TBC1D8: variants seen among roughly 807,000 people sequenced by gnomAD.
The protein encoded by TBC1D8 is BUB2-like protein 1.
In TBC1D8, 65 loss-of-function variants were observed where a neutral mutation model predicts 118.8. The observed-to-expected ratio is 0.55, with a 90% CI of 0.45 to 0.67. TBC1D8 has a LOEUF of 0.67. TBC1D8 is among the 30% of genes least tolerant of loss of function. The pLI is 0.00. For synonymous variants in TBC1D8, 566 were observed against 595.8 expected, an observed-to-expected ratio of 0.95 and a Z score of 0.73; for missense variants, 1,376 against 1,471.2, an observed-to-expected ratio of 0.94 and a Z score of 1.06.
chr2:101,054,672 C>CTTTTTTTTTTTTTTTTT lies in TBC1D8; in HGVS notation c.403-353_403-337dup, dbSNP rs34465252. The stretch of plus-strand genomic sequence containing the variant: ...ACAAACAATCATTTTCTTTTCTTTT[C>CTTTTTTTTTTTTTTTTT]TTTTTTTTTTTTTTTTTTTTTTTTT... On this transcript the variant is annotated intron_variant, in intron 3 of 19. Transcript: ENST00000409318. Among the ~76,000 whole-genome samples, 39 of 25,418 alleles carry CTTTTTTTTTTTTTTTTT rather than the reference C, an allele frequency of 1.5e-3. 1 individual carries two copies. Among genetic ancestry groups the CTTTTTTTTTTTTTTTTT allele is most frequent in the East Asian group, 7.7e-3 (5 of 648 alleles). 16.7% of individuals were successfully genotyped at this position (25,418 alleles called of 152,430 possible).
chr2:101,128,931 T>A (rs1182205681), intron 1 of TBC1D8, among the ~76,000 whole-genome samples: 1 of 151,016 alleles, frequency 6.6e-6, no homozygotes, highest in East Asian at 1.9e-4. Flanking sequence ...GAGGGAGCAG[T>A]GGTTACCATA....
At chr2:101,069,267 TA>T (rs1219236364) in intron 2 of TBC1D8, among the ~76,000 whole-genome samples, 1 of 147,832 alleles carries the variant, frequency 6.8e-6, no homozygotes, top group Non-Finnish European at 1.5e-5. Context: ...CACTCCAGCC[TA>T]GGCAACAGAG....
chr2:101,118,272 C>A (rs187663472), intron 1 of TBC1D8, among the ~76,000 whole-genome samples: 2 of 152,058 alleles, frequency 1.3e-5, no homozygotes, highest in Admixed American at 1.3e-4. Flanking sequence ...TGCAATTGTA[C>A]GTAGTGCTGG....
At chr2:101,053,969 G>T in intron 4 of TBC1D8, 139 bp downstream of exon 4, 1 of 738,964 alleles carries the variant, frequency 1.4e-6, no homozygotes, top group Non-Finnish European at 2.2e-6. Context: ...GCATATATAA[G>T]TAATCAAGTG....
At chr2:101,142,924 T>A (rs1315307818) in intron 1 of TBC1D8, among the ~76,000 whole-genome samples, 1 of 152,144 alleles carries the variant, frequency 6.6e-6, no homozygotes, top group Non-Finnish European at 1.5e-5. Flanking sequence ...TTTGCTCCAT[T>A]ACCTACAACT....
intron 1 of TBC1D8, among the ~76,000 whole-genome samples, chr2:101,096,419 CAAAAAAAAAA>C (rs55824667): frequency 0.021 from 929 of 43,808 alleles, 22 homozygotes; most frequent in African/African-American, 0.066. Flanking sequence ...TGGCTTTTGA[CAAAAAAAAAA>C]AAAAAAAAAA....
chr2:101,052,978 G>T (rs1339326985), intron 4 of TBC1D8, among the ~76,000 whole-genome samples: 1 of 152,196 alleles, frequency 6.6e-6, no homozygotes, highest in African/African-American at 2.4e-5. Context: ...CATTCATTAA[G>T]TATCTCCTTT....
At chr2:101,070,263 C>T (rs1433472692) in intron 2 of TBC1D8, among the ~76,000 whole-genome samples, 2 of 151,874 alleles carry the variant, frequency 1.3e-5, no homozygotes, top group East Asian at 1.9e-4. Context: ...TCCAATCTTA[C>T]ATAAAGTTCA....
chr2:101,129,798 A>G (rs747917079), intron 1 of TBC1D8, among the ~76,000 whole-genome samples: 2 of 151,824 alleles, frequency 1.3e-5, no homozygotes, highest in African/African-American at 4.8e-5. Context: ...CCAGCTACTC[A>G]GGAGACTGAG....
chr2:101,080,618 G>A (rs1047156011), intron 2 of TBC1D8, among the ~76,000 whole-genome samples: 4 of 152,296 alleles, frequency 2.6e-5, no homozygotes, highest in East Asian at 1.9e-4. Flanking sequence ...CAGTGTTACC[G>A]ATGCCTGAAG....
chr2:101,102,911 C>T (rs182794807), intron 1 of TBC1D8, among the ~76,000 whole-genome samples: 57 of 152,008 alleles, frequency 3.7e-4, no homozygotes, highest in Middle Eastern at 3.4e-3. Context: ...ATACTTTCAC[C>T]GGTGAATACT....
chr2:101,115,743 C>T (rs984721865), intron 1 of TBC1D8, among the ~76,000 whole-genome samples: 20 of 151,794 alleles, frequency 1.3e-4, no homozygotes, highest in South Asian at 1.0e-3. Context: ...AAAGCAAGAC[C>T]TTGTTTCAAA....
intron 2 of TBC1D8, among the ~76,000 whole-genome samples, chr2:101,064,397 G>A (rs1011251616): frequency 2.1e-4 from 32 of 152,140 alleles, no homozygotes; most frequent in Non-Finnish European, 4.1e-4. Flanking sequence ...ATCAATGCTT[G>A]TTATTTAAGC....
At chr2:101,010,610 C>T (rs1335177913) in intron 19 of TBC1D8, among the ~76,000 whole-genome samples, 2 of 151,112 alleles carry the variant, frequency 1.3e-5, no homozygotes, top group Admixed American at 6.6e-5. Flanking sequence ...CTCGGTCGGG[C>T]GCGGTGGCTC....
rs375242129 is a variant in TBC1D8 at position 101,072,829 on chromosome 2, G to A, written c.284-13290C>T. Among the ~76,000 whole-genome samples, 155 of 152,220 alleles carry A rather than the reference G, an allele frequency of 1.0e-3. No homozygotes were observed. The South Asian group carries it at 0.016, about 15-fold the overall frequency. ...CCAAATTGGTACTAATCTGTGGCCC[G>A]TGGGTTGGGGACCTATGCACTCAGC... On this transcript the variant is annotated intron_variant, in intron 2 of 19. Transcript: ENST00000409318.
rs112604431 is a variant in TBC1D8, at chr2:101,098,939, C to G, written c.128-8575G>C. On this transcript the variant is annotated intron_variant, in intron 1 of 19. Coordinates refer to ENST00000409318, the MANE Select transcript of TBC1D8 (RefSeq NM_001330348.2). ...AGATCTCAAATCAATACCCTAACAT[C>G]ACAATTAAAAGAGCTAGAGAAGCAA... Among the ~76,000 whole-genome samples, 1,438 of 151,650 alleles carry G rather than the reference C, an allele frequency of 9.5e-3. 26 individuals carry two copies. The highest frequency in any genetic ancestry group is 0.033 in the African/African-American group (1,359 of 41,302).
intron 1 of TBC1D8, among the ~76,000 whole-genome samples, chr2:101,113,216 T>C (rs1423124383): frequency 6.6e-6 from 1 of 152,168 alleles, no homozygotes; most frequent in African/African-American, 2.4e-5. Context: ...ATTAATCCAT[T>C]TTTGTTATAG....
At chr2:101,134,254 C>A (rs1678742973) in intron 1 of TBC1D8, among the ~76,000 whole-genome samples, 1 of 149,868 alleles carries the variant, frequency 6.7e-6, no homozygotes, top group African/African-American at 2.5e-5. Context: ...AATGATCTTT[C>A]TGGTATAAAT....
intron 5 of TBC1D8, among the ~76,000 whole-genome samples, chr2:101,041,999 TG>T (rs1230031143): frequency 6.6e-6 from 1 of 151,716 alleles, no homozygotes. Context: ...CACTCTAGCC[TG>T]GGCGACACAG....
Sources: gnomAD v4.1 joint callset for allele counts (sites outside exome capture counted in the v4.1 genomes callset) on GRCh38, gnomAD v4.1.1 for gene constraint, MANE v1.5 for transcripts, NCBI Gene and HGNC (gene_info 2026-07-23, HGNC 2026-07-21) for gene names.